Variants in XKR6 observed in about 807,000 individuals in gnomAD.
XKR6 encodes XK-related protein 6.
XKR6 carries 22 observed loss-of-function variants against 56.7 expected under a neutral mutation model. That is an observed-to-expected ratio of 0.39 (90% CI 0.28 to 0.55). The LOEUF (loss-of-function observed/expected upper bound fraction) is 0.55, where lower values mean the gene tolerates loss of function less well. Among genes scored for constraint, XKR6 ranks in the 20% least tolerant of loss-of-function variants. The probability of loss-of-function intolerance (pLI) is 0.66; values close to 1 mark genes in which losing one functional copy is unlikely to be tolerated. For missense variants in XKR6, 852 were observed against 889.0 expected (o/e 0.96, Z 0.53); for synonymous variants, 524 against 387.8 (o/e 1.35, Z -4.13).
intron 2 of XKR6, among the ~76,000 whole-genome samples, chr8:10,902,385 G>C (rs1296622695): frequency 6.6e-6 from 1 of 152,206 alleles, no homozygotes; most frequent in African/African-American, 2.4e-5. Context: ...CCATTCCACA[G>C]GAAGCAGAGG....
In XKR6 at chr8:10,971,749, G is replaced by A. The variant is rs114220453; in HGVS notation, c.765-46919C>T. Among the ~76,000 whole-genome samples, 451 of 152,276 alleles carry A rather than the reference G, an allele frequency of 3.0e-3. 4 individuals carry two copies. The highest frequency in any genetic ancestry group is 0.01 in the African/African-American group (436 of 41,536). On this transcript the variant is annotated intron_variant, in intron 1 of 2. Transcript: ENST00000416569. ...AGTCCCAAAGAGAGGACGGATGTGG[G>A]CTCTGCACACAAAGGAGGCAGGGGA...
At chr8:11,089,830 A>G (rs550384970) in intron 1 of XKR6, among the ~76,000 whole-genome samples, 2 of 152,316 alleles carry the variant, frequency 1.3e-5, no homozygotes, top group East Asian at 3.9e-4. Context: ...GAGCCGCTAT[A>G]CTGAATTTTT....
intron 2 of XKR6, among the ~76,000 whole-genome samples, chr8:10,914,128 T>A (rs4554431): frequency 0.49 from 73,692 of 151,814 alleles, 19,294 homozygotes; most frequent in African/African-American, 0.64. Context: ...GGTCTATGGG[T>A]GTAAGCTTCC....
chr8:10,953,854 T>G (rs144360871), intron 1 of XKR6, among the ~76,000 whole-genome samples: 370 of 152,342 alleles, frequency 2.4e-3, no homozygotes, highest in African/African-American at 8.5e-3. Context: ...CAAGTGCTAG[T>G]CTACTTTCTG....
intron 1 of XKR6, among the ~76,000 whole-genome samples, chr8:11,107,562 A>C (rs980995114): frequency 1.3e-5 from 2 of 152,204 alleles, no homozygotes; most frequent in African/African-American, 4.8e-5. Flanking sequence ...TGGTGAGGAC[A>C]GAGAATGCAG....
chr8:11,196,352 T>A (rs1803887352), intron 1 of XKR6, among the ~76,000 whole-genome samples: 1 of 152,168 alleles, frequency 6.6e-6, no homozygotes, highest in African/African-American at 2.4e-5. Flanking sequence ...GCTACATTTA[T>A]TGAACACTGT....
At chr8:10,972,183 T>G (rs1342646041) in intron 1 of XKR6, among the ~76,000 whole-genome samples, 1 of 152,114 alleles carries the variant, frequency 6.6e-6, no homozygotes, top group Non-Finnish European at 1.5e-5. Context: ...TGACCTCGTT[T>G]TTTATTTGAC....
chr8:11,004,211 C>T (rs7816232), intron 1 of XKR6, among the ~76,000 whole-genome samples: 8,525 of 152,198 alleles, frequency 0.056, 607 homozygotes, highest in African/African-American at 0.17. Flanking sequence ...TGGTGGCTCA[C>T]GCCTGTAATC....
chr8:10,913,295 C>A (rs745531043), intron 2 of XKR6, among the ~76,000 whole-genome samples: 2 of 151,898 alleles, frequency 1.3e-5, no homozygotes, highest in Non-Finnish European at 2.9e-5. Context: ...GCCTCTGTAC[C>A]CCCAGAGTCT....
At chr8:11,140,897 CAAAAA>C (rs35388667) in intron 1 of XKR6, among the ~76,000 whole-genome samples, 1 of 88,110 alleles carries the variant, frequency 1.1e-5, no homozygotes. Flanking sequence ...GACTCTGTCT[CAAAAA>C]AAAAAAAAAA....
chr8:10,951,648 T>C (rs75406181), intron 1 of XKR6, among the ~76,000 whole-genome samples: 5,986 of 152,294 alleles, frequency 0.039, 391 homozygotes, highest in African/African-American at 0.14. Flanking sequence ...CATCATTCTA[T>C]TCTGCTGCAG....
chr8:10,918,738 C>A (rs1209651255), intron 2 of XKR6, among the ~76,000 whole-genome samples: 2 of 152,202 alleles, frequency 1.3e-5, no homozygotes, highest in Non-Finnish European at 2.9e-5. Context: ...CTTCATCCAT[C>A]CCCCAATCCC....
intron 2 of XKR6, among the ~76,000 whole-genome samples, chr8:10,916,090 G>C (rs1382649204): frequency 6.6e-6 from 1 of 152,258 alleles, no homozygotes; most frequent in Non-Finnish European, 1.5e-5. Flanking sequence ...TGTGAGCCAT[G>C]GAGAAGGAGG....
At chr8:10,976,315 C>G (rs1427615654) in intron 1 of XKR6, among the ~76,000 whole-genome samples, 2 of 152,230 alleles carry the variant, frequency 1.3e-5, no homozygotes, top group Non-Finnish European at 2.9e-5. Context: ...CAGGGTCCTC[C>G]TTCCTTCCCC....
chr8:10,910,594 G>T (rs998072146), intron 2 of XKR6, among the ~76,000 whole-genome samples: 2 of 152,172 alleles, frequency 1.3e-5, no homozygotes, highest in African/African-American at 4.8e-5. Flanking sequence ...TGGACCCTGG[G>T]CTCTTCTGAG....
intron 1 of XKR6, among the ~76,000 whole-genome samples, chr8:10,973,227 C>A (rs188592976): frequency 8.6e-4 from 131 of 152,282 alleles, no homozygotes; most frequent in Middle Eastern, 3.4e-3. Flanking sequence ...AATAACCCAT[C>A]ACTAATGGGT....
intron 1 of XKR6, among the ~76,000 whole-genome samples, chr8:10,958,721 T>A (rs1801971027): frequency 6.6e-6 from 1 of 152,186 alleles, no homozygotes; most frequent in Non-Finnish European, 1.5e-5. Context: ...GTTTCTCAAC[T>A]GTAAAATGGA....
chr8:10,912,407 A>T (rs1354420901), intron 2 of XKR6, among the ~76,000 whole-genome samples: 5 of 122,366 alleles, frequency 4.1e-5, no homozygotes, highest in African/African-American at 1.5e-4. Flanking sequence ...TATATATATA[A>T]AGAGAGTGAG....
chr8:10,957,857 A>C (rs1004494914), intron 1 of XKR6, among the ~76,000 whole-genome samples: 1 of 152,192 alleles, frequency 6.6e-6, no homozygotes, highest in Non-Finnish European at 1.5e-5. Context: ...CCAAGTTAGG[A>C]TCCAACAACA....
Sources: gnomAD v4.1 joint callset for allele counts (sites outside exome capture counted in the v4.1 genomes callset) on GRCh38, gnomAD v4.1.1 for gene constraint, MANE v1.5 for transcripts, NCBI Gene and HGNC (gene_info 2026-07-23, HGNC 2026-07-21) for gene names.